The following DRC8 variants were observed in gnomAD, a reference collection of about 807,000 sequenced individuals.
DRC8 encodes the protein dynein regulatory complex protein 8.
At chr1:245,114,342 G>A in the DRC8 span, among the ~76,000 whole-genome samples, 4,091 of 152,126 alleles carry the variant, frequency 0.027, 85 homozygotes, top group African/African-American at 0.054. Context: ...GCAGGTGCCT[G>A]TAATCCCAGC....
At chr1:245,102,683 ATT>A in the DRC8 span, among the ~76,000 whole-genome samples, 84 of 152,358 alleles carry the variant, frequency 5.5e-4, no homozygotes, top group Non-Finnish European at 9.0e-4. Context: ...GTACTTATAG[ATT>A]TGCCTTAAAT....
At chr1:245,024,923 T>G in the DRC8 span, among the ~76,000 whole-genome samples, 3 of 152,220 alleles carry the variant, frequency 2.0e-5, no homozygotes, top group African/African-American at 7.2e-5. Context: ...CCTGACAGTT[T>G]ATGATTTTTC....
chr1:244,997,688 C>T, the DRC8 span, among the ~76,000 whole-genome samples: 7,489 of 151,578 alleles, frequency 0.049, 273 homozygotes, highest in Non-Finnish European at 0.078. Flanking sequence ...GGATTACAGG[C>T]GCCCTCCACG....
At chr1:245,119,888 ATG>A in the DRC8 span, among the ~76,000 whole-genome samples, 5 of 152,076 alleles carry the variant, frequency 3.3e-5, no homozygotes, top group Admixed American at 3.3e-4. Flanking sequence ...AGCCTAGATC[ATG>A]CAACTGCACT....
chr1:245,019,924 C>T, the DRC8 span, among the ~76,000 whole-genome samples: 1 of 152,126 alleles, frequency 6.6e-6, no homozygotes, highest in African/African-American at 2.4e-5. Flanking sequence ...GAGATTGCAC[C>T]ACTGCACTCC....
chr1:245,020,604 T>G, the DRC8 span, among the ~76,000 whole-genome samples: 1 of 142,162 alleles, frequency 7.0e-6, no homozygotes, highest in Non-Finnish European at 1.5e-5. Context: ...TATACTGGAG[T>G]TTTTCTTTCT....
At chr1:244,983,214 T>C in the DRC8 span, among the ~76,000 whole-genome samples, 2 of 152,216 alleles carry the variant, frequency 1.3e-5, no homozygotes. Context: ...TGATCTAAAA[T>C]TTAAAGTGAA....
At chr1:245,102,076 T>A in the DRC8 span, among the ~76,000 whole-genome samples, 1 of 151,208 alleles carries the variant, frequency 6.6e-6, no homozygotes, top group Non-Finnish European at 1.5e-5. Flanking sequence ...TTTTACTTGC[T>A]TTTGCACCGT....
the DRC8 span, among the ~76,000 whole-genome samples, chr1:245,105,516 G>A: frequency 6.6e-6 from 1 of 150,988 alleles, no homozygotes; most frequent in Non-Finnish European, 1.5e-5. Context: ...CTACTCAGGG[G>A]GCTCAGGGCT....
At chr1:244,981,984 G>A in the DRC8 span, among the ~76,000 whole-genome samples, 3 of 152,162 alleles carry the variant, frequency 2.0e-5, no homozygotes, top group Admixed American at 6.5e-5. Flanking sequence ...AGATTTCATC[G>A]TAAGTTGATA....
At chr1:245,094,968 A>G in the DRC8 span, among the ~76,000 whole-genome samples, 16 of 152,224 alleles carry the variant, frequency 1.1e-4, no homozygotes, top group East Asian at 1.9e-4. Flanking sequence ...GTCCTTGACC[A>G]TAAGGACAGA....
chr1:245,009,715 C>T, the DRC8 span, among the ~76,000 whole-genome samples: 2 of 152,198 alleles, frequency 1.3e-5, no homozygotes, highest in African/African-American at 2.4e-5. Flanking sequence ...GATCCACCCT[C>T]CTCGGCCTCC....
chr1:245,118,719 G>C, the DRC8 span, among the ~76,000 whole-genome samples: 1 of 151,748 alleles, frequency 6.6e-6, no homozygotes, highest in East Asian at 1.9e-4. Context: ...TGAGCCCCAG[G>C]AGGCGGAGGT....
the DRC8 span, among the ~76,000 whole-genome samples, chr1:245,020,624 T>C: frequency 7.1e-6 from 1 of 140,626 alleles, no homozygotes; most frequent in East Asian, 2.0e-4. Context: ...TTTTTTTTTT[T>C]TTTTTTTTTT....
the DRC8 span, among the ~76,000 whole-genome samples, chr1:245,078,725 A>C: frequency 3.3e-5 from 5 of 152,222 alleles, no homozygotes; most frequent in Admixed American, 6.5e-5. Flanking sequence ...AGTGATAAGA[A>C]AAACAATTTC....
the DRC8 span, among the ~76,000 whole-genome samples, chr1:244,998,998 C>A: frequency 7.4e-6 from 1 of 134,384 alleles, no homozygotes; most frequent in African/African-American, 2.8e-5. Context: ...AGACACTTTT[C>A]TGCCAATATT....
chr1:245,062,052 G>A, the DRC8 span, among the ~76,000 whole-genome samples: 5 of 152,158 alleles, frequency 3.3e-5, no homozygotes, highest in African/African-American at 1.2e-4. Flanking sequence ...GTTGCAATGA[G>A]CTGAGGTCAT....
the DRC8 span, chr1:245,122,061 G>A: frequency 3.5e-6 from 1 of 285,986 alleles, no homozygotes; most frequent in Non-Finnish European, 6.7e-6. Context: ...ACCACGCCTG[G>A]CTAATTTCTG....
the DRC8 span, chr1:244,970,770 C>A: frequency 6.7e-5 from 26 of 385,648 alleles, 1 homozygote; most frequent in South Asian, 1.1e-3. Flanking sequence ...CCCCTCCTCC[C>A]GCCCCGTCCT....
Sources: gnomAD v4.1 joint callset for allele counts (sites outside exome capture counted in the v4.1 genomes callset) on GRCh38, gnomAD v4.1.1 for gene constraint, MANE v1.5 for transcripts, NCBI Gene and HGNC (gene_info 2026-07-23, HGNC 2026-07-21) for gene names.